UXS1: variants seen among roughly 807,000 people sequenced by gnomAD.
UXS1 encodes UDP-glucuronate decarboxylase 1, also known as UDP-glucuronic acid decarboxylase 1.
In UXS1, 33 loss-of-function variants were observed where a neutral mutation model predicts 62.6. The observed-to-expected ratio is 0.53, with a 90% CI of 0.40 to 0.70. The LOEUF (loss-of-function observed/expected upper bound fraction) is 0.70. Ranked by LOEUF, UXS1 falls within the 30% of genes least tolerant of loss-of-function variation. UXS1 has a pLI of 0.00. For synonymous variants in UXS1, 213 were observed against 206.8 expected (o/e 1.03, Z -0.26); for missense variants, 434 against 556.3 (o/e 0.78, Z 2.21).
intron 6 of UXS1, among the ~76,000 whole-genome samples, chr2:106,144,762 TC>T (rs1449523314): frequency 6.6e-6 from 1 of 152,190 alleles, no homozygotes; most frequent in Non-Finnish European, 1.5e-5. Context: ...AACGGGGTTT[TC>T]CCAGGCCTCT....
chr2:106,106,010 T>C (rs1045651772), intron 10 of UXS1, among the ~76,000 whole-genome samples: 3 of 152,128 alleles, frequency 2.0e-5, no homozygotes, highest in Non-Finnish European at 2.9e-5. Flanking sequence ...CAGCCTGGCT[T>C]TCCCAGAGCT....
intron 14 of UXS1, among the ~76,000 whole-genome samples, chr2:106,095,818 G>C (rs564219295): frequency 6.6e-6 from 1 of 152,240 alleles, no homozygotes; most frequent in South Asian, 2.1e-4. Context: ...GGTCTCTGAA[G>C]GACACAGGCA....
intron 1 of UXS1, among the ~76,000 whole-genome samples, chr2:106,181,060 A>T (rs1313336712): frequency 6.6e-6 from 1 of 152,248 alleles, no homozygotes; most frequent in Non-Finnish European, 1.5e-5. Flanking sequence ...ACGAACAGAT[A>T]CATTAAAGAA....
chr2:106,164,150 G>A (rs528888567), intron 3 of UXS1, among the ~76,000 whole-genome samples: 2 of 152,298 alleles, frequency 1.3e-5, no homozygotes, highest in East Asian at 3.9e-4. Flanking sequence ...ATCCACGTCT[G>A]TAGACACTGT....
chr2:106,099,518 G>A (rs1677407285), intron 12 of UXS1, among the ~76,000 whole-genome samples: 1 of 152,178 alleles, frequency 6.6e-6, no homozygotes, highest in South Asian at 2.1e-4. Context: ...ATGGAGCACA[G>A]AGGGGATGAC....
chr2:106,151,633 A>G (rs1185918157), intron 5 of UXS1, among the ~76,000 whole-genome samples: 1 of 152,204 alleles, frequency 6.6e-6, no homozygotes, highest in East Asian at 1.9e-4. Flanking sequence ...GGCACAAAAC[A>G]AACTAAGAAA....
intron 11 of UXS1, among the ~76,000 whole-genome samples, chr2:106,104,112 T>A (rs7573395): frequency 6.6e-6 from 1 of 152,012 alleles, no homozygotes; most frequent in South Asian, 2.1e-4. Flanking sequence ...AACTGGGTTT[T>A]ACAACAATTC....
At chr2:106,116,883 T>C (rs1020598052) in intron 9 of UXS1, among the ~76,000 whole-genome samples, 2 of 152,226 alleles carry the variant, frequency 1.3e-5, no homozygotes, top group African/African-American at 4.8e-5. Context: ...TGGTTATGTC[T>C]GACCTTGCCC....
chr2:106,099,268 C>T (rs1377020922), intron 12 of UXS1, among the ~76,000 whole-genome samples: 2 of 152,178 alleles, frequency 1.3e-5, no homozygotes, highest in Non-Finnish European at 2.9e-5. Flanking sequence ...AGAGGACAAA[C>T]TCCATGCATT....
chr2:106,181,261 C>A (rs1684224886), intron 1 of UXS1, among the ~76,000 whole-genome samples: 1 of 152,188 alleles, frequency 6.6e-6, no homozygotes, highest in Non-Finnish European at 1.5e-5. Flanking sequence ...CCAATCACGT[C>A]CCTGGCTCAG....
At chr2:106,167,147 A>G (rs1683263156) in intron 1 of UXS1, among the ~76,000 whole-genome samples, 1 of 152,312 alleles carries the variant, frequency 6.6e-6, no homozygotes, top group Admixed American at 6.5e-5. Context: ...ACAGCAGATG[A>G]CTTTAAAATG....
At chr2:106,142,127 C>T (rs1052443447) in intron 6 of UXS1, among the ~76,000 whole-genome samples, 4 of 152,190 alleles carry the variant, frequency 2.6e-5, no homozygotes, top group Non-Finnish European at 5.9e-5. Flanking sequence ...CCTCCTTGGC[C>T]TCCCAAAGTG....
chr2:106,139,835 T>C (rs1279772233), intron 6 of UXS1, among the ~76,000 whole-genome samples: 3 of 152,220 alleles, frequency 2.0e-5, no homozygotes, highest in Non-Finnish European at 4.4e-5. Context: ...AGTGGGTTAG[T>C]TCTTTCTGTG....
At chr2:106,174,257 G>A (rs1263723560) in intron 1 of UXS1, among the ~76,000 whole-genome samples, 1 of 152,194 alleles carries the variant, frequency 6.6e-6, no homozygotes, top group Non-Finnish European at 1.5e-5. Context: ...ATTATTCCAA[G>A]AAAGCTGGGC....
chr2:106,094,254 T>TGCAGGAAGGAAGTGCCACCTC, intron 14 of UXS1, 97 bp from the exon 15 acceptor site: 2 of 1,503,388 alleles, frequency 1.3e-6, no homozygotes, highest in Non-Finnish European at 1.8e-6. Flanking sequence ...AGTGCCACCT[T>TGCAGGAAGGAAGTGCCACCTC]GCAGCCAGTC....
rs979592321 is a variant in UXS1 at position 106,162,128 on chromosome 2, AC to A, written c.230+1538del. On this transcript the variant is annotated intron_variant, in intron 4 of 14. Transcript: ENST00000283148. ...ACACAGTAATGCAGGCACGCGGATC[AC>A]CTGACTTGCTGACCAACCTGAAGGA... 2.3e-3 allele frequency among the ~76,000 whole-genome samples: 354 copies of A among 152,266 alleles called. 2 individuals carry two copies. Among genetic ancestry groups the A allele is most frequent in the African/African-American group, 8.2e-3 (340 of 41,540 alleles).
intron 1 of UXS1, among the ~76,000 whole-genome samples, chr2:106,174,271 G>A (rs1021979942): frequency 1.3e-5 from 2 of 152,172 alleles, no homozygotes; most frequent in African/African-American, 2.4e-5. Flanking sequence ...GCTGGGCTCC[G>A]GACAGCAGGC....
At chr2:106,140,651 C>T (rs1681026160) in intron 6 of UXS1, among the ~76,000 whole-genome samples, 2 of 150,916 alleles carry the variant, frequency 1.3e-5, no homozygotes, top group African/African-American at 4.9e-5. Flanking sequence ...GGTTTCCTCA[C>T]CTATAAAATG....
chr2:106,158,468 CT>C (rs1682634794), intron 4 of UXS1, among the ~76,000 whole-genome samples: 1 of 152,204 alleles, frequency 6.6e-6, no homozygotes, highest in Admixed American at 6.5e-5. Context: ...GTGAAACTGC[CT>C]TTGCAGAATT....
Sources: allele counts gnomAD v4.1 joint callset (sites outside exome capture counted in the v4.1 genomes callset), GRCh38; gene constraint gnomAD v4.1.1; transcripts MANE v1.5; gene names NCBI Gene and HGNC (gene_info 2026-07-23, HGNC 2026-07-21).